The following MANSC4 variants were observed in gnomAD, a reference collection of about 807,000 sequenced individuals.
MANSC4 encodes the protein MANSC domain containing 4.
Under a neutral mutation model 11.4 loss-of-function variants are expected in MANSC4, and 11 were observed. The ratio of observed to expected loss-of-function variants is 0.97; its 90% CI spans 0.61 to 1.60. The LOEUF (loss-of-function observed/expected upper bound fraction) is 1.60, where lower values mean the gene tolerates loss of function less well. Ranked by LOEUF, MANSC4 falls within the 40% of genes most tolerant of loss-of-function variation. MANSC4 has a pLI of 0.00. For missense variants in MANSC4, 354 were observed against 404.6 expected (o/e 0.88, Z 1.07); for synonymous variants, 123 against 147.1 (o/e 0.84, Z 1.19).
rs78887216 is a variant in MANSC4, at chr12:27,778,576, ACC to A, written c.-307+1632_-307+1633del. 3.3e-3 allele frequency among the ~76,000 whole-genome samples: 486 copies of A among 147,022 alleles called. 5 individuals are homozygous for A. The highest frequency in any genetic ancestry group is 0.011 in the South Asian group (53 of 4,614). On this transcript the variant is annotated intron_variant, in intron 1 of 3. Transcript: ENST00000381273. ...GAAGCTTGTAATAATAAAAAAAAAA[ACC>A]AAACACATATTCTCTCCAAGTTAAG...
chr12:27,764,577 T>C (rs2062063411), intron 3 of MANSC4, among the ~76,000 whole-genome samples: 1 of 152,126 alleles, frequency 6.6e-6, no homozygotes, highest in Non-Finnish European at 1.5e-5. Context: ...CAGCTGTATT[T>C]TCTCTTCACT....
intron 1 of MANSC4, among the ~76,000 whole-genome samples, chr12:27,778,161 G>T (rs980828484): frequency 6.7e-6 from 1 of 150,246 alleles, no homozygotes; most frequent in African/African-American, 2.5e-5. Flanking sequence ...GGAGGTGGAG[G>T]TTGCAGAAAG....
At chr12:27,779,991 A>C in intron 1 of MANSC4, 1 of 151,418 alleles carries the variant, frequency 6.6e-6, no homozygotes, top group Non-Finnish European at 1.5e-5. Context: ...CGCGGGCGGA[A>C]GTGAGAAGGG....
In MANSC4 at chr12:27,762,912, C is replaced by A. The variant is rs375943795; in HGVS notation, c.849G>T (p.Lys283Asn). The A allele has an allele frequency of 1.3e-6, 2 of 1,552,204 alleles. No individual in the cohort carries two copies. The highest frequency in any genetic ancestry group is 1.7e-6 in the Non-Finnish European group (2 of 1,147,116). Residue 283 changes from lysine to asparagine, a missense_variant, in exon 4 of 4, where the codon AAG becomes AAT. By Grantham distance (94) the Lys-to-Asn change is moderately conservative. Coordinates refer to ENST00000381273, the MANE Select transcript of MANSC4 (RefSeq NM_001146221.5). ...AAAGGGCCACAGAAACCAGCCAAGT[C>A]TTTGAAGTCACAGATACCTCATCTT... ...ANEDEVSVTSKTWLVSVALCT... is the reference protein window; with the variant it reads ...ANEDEVSVTSNTWLVSVALCT...
At position 27,762,829 on chromosome 12, in the gene MANSC4, C is replaced by A. The variant is rs979159128; in HGVS notation, c.932G>T (p.Gly311Val). 4.0e-5 allele frequency: 62 copies of A among 1,551,876 alleles called. No homozygotes were observed. Among genetic ancestry groups the A allele is most frequent in the Non-Finnish European group, 4.8e-5 (55 of 1,147,056 alleles). ...CIVILASGCC[G>V]KQQGQYKPGQ... ...TGGTTTATACTGGCCCTGCTGCTTT[C>A]CACAGCATCCAGATGCCAGGATGAC... is the stretch of plus-strand genomic sequence containing the variant. The change falls in exon 4 of 4, where the codon GGA becomes GTA. Residue 311 changes from glycine to valine, a missense_variant. Coordinates refer to ENST00000381273, the MANE Select transcript of MANSC4 (RefSeq NM_001146221.5).
intron 1 of MANSC4, among the ~76,000 whole-genome samples, chr12:27,774,553 T>TA (rs888042381): frequency 1.2e-4 from 19 of 152,262 alleles, no homozygotes; most frequent in African/African-American, 4.6e-4. Context: ...TATTGTTATT[T>TA]AAAAAAACAT....
chr12:27,768,213 CA>C (rs201607939), intron 2 of MANSC4, among the ~76,000 whole-genome samples: 5,100 of 151,756 alleles, frequency 0.034, 122 homozygotes, highest in Non-Finnish European at 0.056. Flanking sequence ...GCCCGGCCAA[CA>C]TGGCGAAACG....
chr12:27,768,402 CAAAAA>C (rs201953091), intron 2 of MANSC4, among the ~76,000 whole-genome samples: 1 of 109,690 alleles, frequency 9.1e-6, no homozygotes, highest in African/African-American at 3.8e-5. Flanking sequence ...GACTCTGTCT[CAAAAA>C]AAAAAAAAAA....
At chr12:27,768,978 C>T (rs2140800335) in intron 2 of MANSC4, among the ~76,000 whole-genome samples, 1 of 152,248 alleles carries the variant, frequency 6.6e-6, no homozygotes, top group East Asian at 1.9e-4. Flanking sequence ...ATCCGGTTAC[C>T]AGACCTCAAA....
At chr12:27,763,669 C>T (rs1042403346) in intron 3 of MANSC4, among the ~76,000 whole-genome samples, 4 of 152,002 alleles carry the variant, frequency 2.6e-5, no homozygotes, top group South Asian at 2.1e-4. Context: ...TGTACAATAG[C>T]GAGTGTTACT....
intron 2 of MANSC4, 37 bp downstream of exon 2, chr12:27,771,011 C>T: frequency 2.0e-6 from 3 of 1,483,640 alleles, no homozygotes; most frequent in South Asian, 1.3e-5. Context: ...TTGGAAGTTT[C>T]TTCTTATTTT....
At chr12:27,766,599 C>T (rs527419746) in intron 3 of MANSC4, 66 bp downstream of exon 3, 70 of 1,478,700 alleles carry the variant, frequency 4.7e-5, no homozygotes, top group Non-Finnish European at 6.2e-5. Flanking sequence ...GCCAGTTTCT[C>T]AGCTATATGC....
chr12:27,767,026 C>T (rs889578552), intron 2 of MANSC4, among the ~76,000 whole-genome samples: 1 of 152,134 alleles, frequency 6.6e-6, no homozygotes, highest in Non-Finnish European at 1.5e-5. Context: ...GTCACTCAGG[C>T]TGGAGTGCAG....
At chr12:27,779,784 G>A (rs925499292) in intron 1 of MANSC4, 71 of 152,130 alleles carry the variant, frequency 4.7e-4, no homozygotes, top group African/African-American at 1.6e-3. Flanking sequence ...CTTCTCCCTG[G>A]GGTACCCCGG....
chr12:27,778,002 G>A (rs1261513975), intron 1 of MANSC4, among the ~76,000 whole-genome samples: 1 of 151,878 alleles, frequency 6.6e-6, no homozygotes, highest in Non-Finnish European at 1.5e-5. Flanking sequence ...GAGGTGGGTG[G>A]ATCACGTGAG....
intron 2 of MANSC4, among the ~76,000 whole-genome samples, 196 bp downstream of exon 2, chr12:27,770,852 A>G (rs2062097289): frequency 6.6e-6 from 1 of 152,112 alleles, no homozygotes; most frequent in African/African-American, 2.4e-5. Context: ...TAGATCTGTA[A>G]ATAGAGCCTG....
At chr12:27,778,124 C>T (rs1273836623) in intron 1 of MANSC4, among the ~76,000 whole-genome samples, 2 of 151,284 alleles carry the variant, frequency 1.3e-5, no homozygotes, top group Non-Finnish European at 2.9e-5. Context: ...ACTCCGGAGG[C>T]TGAGGCAGGA....
At chr12:27,774,021 G>A (rs1166915030) in intron 1 of MANSC4, among the ~76,000 whole-genome samples, 4 of 151,996 alleles carry the variant, frequency 2.6e-5, no homozygotes, top group East Asian at 1.9e-4. Flanking sequence ...GGTGGCACAC[G>A]GCTGTAATCC....
intron 1 of MANSC4, among the ~76,000 whole-genome samples, chr12:27,774,133 GC>G (rs2062110477): frequency 6.6e-6 from 1 of 151,886 alleles, no homozygotes. Flanking sequence ...GGGAGACACA[GC>G]AAGGCTCTGT....
Sources: allele counts gnomAD v4.1 joint callset (sites outside exome capture counted in the v4.1 genomes callset), GRCh38; gene constraint gnomAD v4.1.1; transcripts MANE v1.5; gene names NCBI Gene and HGNC (gene_info 2026-07-23, HGNC 2026-07-21).